ACOX3: variants seen among roughly 807,000 people sequenced by gnomAD.
The protein encoded by ACOX3 is acyl-CoA oxidase 3, pristanoyl.
In ACOX3, 73 loss-of-function variants were observed where a neutral mutation model predicts 81.5. The observed-to-expected ratio is 0.90, with a 90% confidence interval of 0.74 to 1.09. The LOEUF (loss-of-function observed/expected upper bound fraction) is 1.09. Ranked by LOEUF, ACOX3 falls within the 50% of genes least tolerant of loss-of-function variation. The pLI is 0.00. For missense variants in ACOX3, 947 were observed against 928.0 expected (o/e 1.02, Z -0.27); for synonymous variants, 387 against 375.1 (o/e 1.03, Z -0.37).
At chr4:8,411,072 T>C (rs545618576) in intron 5 of ACOX3, among the ~76,000 whole-genome samples, 1 of 152,340 alleles carries the variant, frequency 6.6e-6, no homozygotes, top group African/African-American at 2.4e-5. Context: ...CAGGGGCGTC[T>C]GCTGGGAGCC....
chr4:8,404,889 G>A (rs898397946), intron 7 of ACOX3, among the ~76,000 whole-genome samples: 53 of 151,946 alleles, frequency 3.5e-4, no homozygotes, highest in African/African-American at 1.2e-3. Flanking sequence ...AAATCATCTC[G>A]TGGGCACAGA....
intron 5 of ACOX3, among the ~76,000 whole-genome samples, chr4:8,411,895 A>G (rs985346818): frequency 6.6e-6 from 1 of 152,220 alleles, no homozygotes; most frequent in African/African-American, 2.4e-5. Flanking sequence ...CTGCTGTCCA[A>G]ATAAATGCTC....
chr4:8,365,912 C>T (rs926377947), downstream of ACOX3, among the ~76,000 whole-genome samples: 7 of 152,136 alleles, frequency 4.6e-5, no homozygotes, highest in Non-Finnish European at 7.4e-5. Flanking sequence ...TTATTTGGTT[C>T]GGCACCGTCC....
At chr4:8,433,218 C>T (rs1418333848) in intron 1 of ACOX3, among the ~76,000 whole-genome samples, 2 of 152,232 alleles carry the variant, frequency 1.3e-5, no homozygotes, top group African/African-American at 2.4e-5. Context: ...TCTCCTGACA[C>T]GCTCCCTAAT....
At chr4:8,393,615 GCACACACACACACACACACACGCA>G (rs1216820834) in intron 10 of ACOX3, among the ~76,000 whole-genome samples, 14 of 140,504 alleles carry the variant, frequency 1.0e-4, no homozygotes, top group African/African-American at 1.7e-4. Flanking sequence ...ACACACACAC[GCACACACACACACACACACACGCA>G]CACACACACA....
At position 8,381,594 on chromosome 4, in the gene ACOX3, T is replaced by C. The variant is rs1219883023; in HGVS notation, c.1551A>G (p.Ala517=). 6.2e-7 allele frequency: 1 copy of C among 1,613,696 alleles called. No individual in the cohort carries two copies. Among genetic ancestry groups the C allele is most frequent in the Non-Finnish European group, 8.5e-7 (1 of 1,179,814 alleles). Residue 517 remains alanine, a synonymous_variant, in exon 14 of 18, where the codon GCA becomes GCG. Transcript: ENST00000356406. This position sits in a 1 kb window ranked among gnomAD's most constrained non-coding sequence, Gnocchi z 4.3. ...GCAGGTAGCAAACCAGCCACTTGTA[T>C]GCTGCCAGGGCGACTTCGGAATGAC... ...DCLDSAVALA[A]YKWLVCYLLR...
At chr4:8,375,354 T>C (rs1716812397) in intron 14 of ACOX3, among the ~76,000 whole-genome samples, 1 of 152,216 alleles carries the variant, frequency 6.6e-6, no homozygotes, top group Non-Finnish European at 1.5e-5. Flanking sequence ...CCTATGAAGA[T>C]GGAGCTGGGA....
Position 8,389,473 on chromosome 4 carries a change from C to T in ACOX3, c.1423+139G>A, listed in dbSNP as rs532690394. 26 of 1,432,400 alleles carry T rather than the reference C, an allele frequency of 1.8e-5. No individual in the cohort carries two copies. In the East Asian group the frequency reaches 1.9e-4, roughly 10 times the overall value. 88.7% of individuals were successfully genotyped at this position (1,432,400 alleles called of 1,614,324 possible). A position where few individuals can be genotyped will look rare whatever the true frequency, so the allele number is the denominator to read the frequency against. ...TTTGCCCATGCCTTGGGGAGTTGGT[C>T]GGCACTATCTAATAACATTTCTTTC... On this transcript the variant is annotated intron_variant, in intron 12 of 17. Transcript: ENST00000356406. This position sits in a 1 kb window ranked among gnomAD's most constrained non-coding sequence, Gnocchi z 5.3.
intron 5 of ACOX3, among the ~76,000 whole-genome samples, chr4:8,410,662 T>C (rs951384600): frequency 6.6e-6 from 1 of 152,044 alleles, no homozygotes; most frequent in Admixed American, 6.6e-5. Context: ...GTAGAAACAC[T>C]GTGGATACAC....
In ACOX3 at chr4:8,389,419, G is replaced by T; in HGVS notation, c.1424-133C>A. 1 of 1,247,804 alleles carries T rather than the reference G, an allele frequency of 8.0e-7. No homozygotes were observed. The allele number at this position is 1,247,804 out of a possible 1,614,324, so 77.3% of individuals were successfully genotyped here. Reference sequence around the variant, plus strand: ...GCCACAGACCCACAGGCGAGGGTCTGGGTCTCAAGGACCCTCCCCACCCCA... The same window carrying T: ...GCCACAGACCCACAGGCGAGGGTCTTGGTCTCAAGGACCCTCCCCACCCCA... On this transcript the variant is annotated intron_variant, in intron 12 of 17. Coordinates refer to ENST00000356406, the MANE Select transcript of ACOX3 (RefSeq NM_003501.3). The surrounding 1 kb of genome is among the most constrained non-coding windows in gnomAD (Gnocchi z 5.3).
In ACOX3 at chr4:8,414,999, C is replaced by T. The variant is rs1250076704; in HGVS notation, c.379-71G>A. 1 of 1,387,276 alleles carries T rather than the reference C, an allele frequency of 7.2e-7. No individual in the cohort carries two copies. Among genetic ancestry groups the T allele is most frequent in the African/African-American group, 1.4e-5 (1 of 70,246 alleles). The allele number at this position is 1,387,276 out of a possible 1,614,324, so 85.9% of individuals were successfully genotyped here. A position where few individuals can be genotyped will look rare whatever the true frequency, so the allele number is the denominator to read the frequency against. On this transcript the variant is annotated intron_variant, in intron 3 of 17. Transcript: ENST00000356406. The surrounding 1 kb of genome is among the most constrained non-coding windows in gnomAD (Gnocchi z 6.1). ...GTACTGCTCTTCCGGAACATCACAA[C>T]AGACAACGGCACTCAACACCATGCC...
chr4:8,397,517 A>G (rs958733573), intron 8 of ACOX3, among the ~76,000 whole-genome samples: 1 of 152,218 alleles, frequency 6.6e-6, no homozygotes, highest in Non-Finnish European at 1.5e-5. Context: ...GGCGGAGTCC[A>G]TTACAGGCAG....
chr4:8,373,997 G>T (rs986934763), intron 15 of ACOX3: 1 of 277,838 alleles, frequency 3.6e-6, no homozygotes, highest in Non-Finnish European at 6.9e-6. Flanking sequence ...GTGAAGCAGG[G>T]GTGCATGGCA....
intron 11 of ACOX3, among the ~76,000 whole-genome samples, chr4:8,391,871 CTCTT>C (rs1187310708): frequency 6.6e-6 from 1 of 152,248 alleles, no homozygotes; most frequent in East Asian, 1.9e-4. Context: ...ATATAACTAA[CTCTT>C]TATCTAAGTG....
chr4:8,440,604 A>C (rs1372897190), intron 1 of ACOX3, 44 bp downstream of exon 1: 1 of 524,326 alleles, frequency 1.9e-6, no homozygotes, highest in Non-Finnish European at 3.1e-6. Context: ...TACCACGCCC[A>C]GAATTCTCTC....
rs141877922 is a variant in ACOX3 at position 8,432,512 on chromosome 4, C to T, written c.-15+8136G>A. ...CCTCCCAATGTGCTGGGATTACAGG[C>T]GTGAGCCACCGCGCCCGGCCTGATT... On this transcript the variant is annotated intron_variant, in intron 1 of 17. Transcript: ENST00000356406. This position sits in a 1 kb window ranked among gnomAD's most constrained non-coding sequence, Gnocchi z 6.2. 2.6e-3 allele frequency among the ~76,000 whole-genome samples: 400 copies of T among 152,250 alleles called. No individual in the cohort carries two copies. Among genetic ancestry groups the T allele is most frequent in the African/African-American group, 9.3e-3 (385 of 41,540 alleles).
At chr4:8,397,659 G>A (rs1578921553) in intron 8 of ACOX3, among the ~76,000 whole-genome samples, 1 of 152,216 alleles carries the variant, frequency 6.6e-6, no homozygotes, top group East Asian at 1.9e-4. Flanking sequence ...AGCAGAGGCT[G>A]TTGCTAAGGC....
At chr4:8,393,302 A>G (rs561469194) in intron 10 of ACOX3, among the ~76,000 whole-genome samples, 1 of 138,774 alleles carries the variant, frequency 7.2e-6, no homozygotes, top group South Asian at 2.4e-4. Flanking sequence ...CCTGGGCAAC[A>G]TGGTGACACC....
In ACOX3 at chr4:8,384,083, T is replaced by G. The variant is rs1718012670; in HGVS notation, c.1538-2476A>C. Among the ~76,000 whole-genome samples, 1 of 152,188 alleles carries G rather than the reference T, an allele frequency of 6.6e-6. No individual in the cohort carries two copies. Among genetic ancestry groups the G allele is most frequent in the African/African-American group, 2.4e-5 (1 of 41,452 alleles). On this transcript the variant is annotated intron_variant, in intron 13 of 17. Transcript: ENST00000356406. The surrounding 1 kb of genome is among the most constrained non-coding windows in gnomAD (Gnocchi z 5.3). The stretch of plus-strand genomic sequence containing the variant: ...GGAGGTGTCCCTCTGCGGTGGACAC[T>G]TCACGGCAGTTACCCGAGTTTTCCA...
Sources: allele counts gnomAD v4.1 joint callset (sites outside exome capture counted in the v4.1 genomes callset), GRCh38; gene constraint gnomAD v4.1.1; non-coding constraint Gnocchi (gnomAD v3.1); transcripts MANE v1.5; gene names NCBI Gene and HGNC (gene_info 2026-07-23, HGNC 2026-07-21).